Variants in SLC4A10 observed in about 807,000 individuals in gnomAD.
SLC4A10 encodes the protein sodium-driven chloride bicarbonate exchanger.
SLC4A10 carries 42 observed loss-of-function variants against 137.7 expected under a neutral mutation model. The ratio of observed to expected loss-of-function variants is 0.30; its 90% confidence interval spans 0.24 to 0.39. The LOEUF is 0.39. Among genes scored for constraint, SLC4A10 ranks in the 10% least tolerant of loss-of-function variants. The probability of loss-of-function intolerance (pLI) is 1.00; values close to 1 mark genes in which losing one functional copy is unlikely to be tolerated. For synonymous variants in SLC4A10, 474 were observed against 464.1 expected (o/e 1.02, Z -0.27); for missense variants, 925 against 1,355.0 (o/e 0.68, Z 4.98).
chr2:161,730,403 ACAAT>A (rs2046693848), intron 1 of SLC4A10, among the ~76,000 whole-genome samples: 1 of 152,168 alleles, frequency 6.6e-6, no homozygotes, highest in African/African-American at 2.4e-5. Flanking sequence ...CACTCATAAA[ACAAT>A]CTATTATCTG....
At position 161,958,529 on chromosome 2, in the gene SLC4A10, G is replaced by A. The variant is rs1300027189; in HGVS notation, c.2836G>A (p.Gly946Ser). ...GCTATATGGAGTGTTTCTTTATATG[G>A]GTGCTTCATCTCTAAAGGGAATTCA... is the stretch of plus-strand genomic sequence containing the variant. ...PVLYGVFLYM[G>S]ASSLKGIQFF... The change falls in exon 21 of 27, where the codon GGT (glycine) becomes AGT (serine). Residue 946 changes from glycine (G) to serine (S), a missense_variant. Coordinates refer to ENST00000446997, the MANE Select transcript of SLC4A10 (RefSeq NM_001178015.2). 1.2e-6 allele frequency: 2 copies of A among 1,610,512 alleles called. No homozygotes were observed. Among genetic ancestry groups the A allele is most frequent in the Non-Finnish European group, 1.7e-6 (2 of 1,178,334 alleles).
chr2:161,794,428 T>C (rs1575000387), intron 2 of SLC4A10, among the ~76,000 whole-genome samples: 1 of 152,114 alleles, frequency 6.6e-6, no homozygotes, highest in Admixed American at 6.6e-5. Context: ...GTAAAGGCAT[T>C]AGGGAGCTTT....
At chr2:161,804,295 A>G (rs371122041) in intron 2 of SLC4A10, among the ~76,000 whole-genome samples, 154 bp from the exon 3 acceptor site, 10 of 152,184 alleles carry the variant, frequency 6.6e-5, no homozygotes, top group African/African-American at 1.7e-4. Flanking sequence ...TAAAATGCCA[A>G]AAGACAGTGC....
In SLC4A10 at chr2:161,743,563, G is replaced by GT. The variant is rs201211907; in HGVS notation, c.49-27402dup. On this transcript the variant is annotated intron_variant, in intron 1 of 26. Coordinates refer to ENST00000446997, the MANE Select transcript of SLC4A10 (RefSeq NM_001178015.2). Reference sequence around the variant, plus strand: ...GAAGTCAGGTAATGTGATTCCTCCAGTTTTTTTTGTTTGTTTGTTTGTTTG... The same window carrying GT: ...GAAGTCAGGTAATGTGATTCCTCCAGTTTTTTTTTGTTTGTTTGTTTGTTTG... 2.5e-3 allele frequency among the ~76,000 whole-genome samples: 373 copies of GT among 151,284 alleles called. 3 individuals carry two copies. Among genetic ancestry groups the GT allele is most frequent in the Non-Finnish European group, 4.6e-3 (310 of 67,762 alleles).
chr2:161,709,597 C>T (rs1416320244), intron 1 of SLC4A10, among the ~76,000 whole-genome samples: 1 of 151,470 alleles, frequency 6.6e-6, no homozygotes, highest in Non-Finnish European at 1.5e-5. Context: ...CAGAGAGCTT[C>T]GTCCTTTGCT....
At chr2:161,751,956 A>T (rs62189043) in intron 1 of SLC4A10, among the ~76,000 whole-genome samples, 12,353 of 151,974 alleles carry the variant, frequency 0.081, 640 homozygotes, top group East Asian at 0.14. Context: ...TTGTTAATAA[A>T]TTGTATGAAT....
rs190494642 is a variant in SLC4A10 at position 161,738,904 on chromosome 2, C to G, written c.49-32069C>G. The stretch of plus-strand genomic sequence containing the variant: ...TTATGTAAGTGCAGAACTATTGGGC[C>G]ATCTTCACTCTCAGGCAATATATAG... On this transcript the variant is annotated intron_variant, in intron 1 of 26. Coordinates refer to ENST00000446997, the MANE Select transcript of SLC4A10 (RefSeq NM_001178015.2). 5.3e-5 allele frequency among the ~76,000 whole-genome samples: 8 copies of G among 152,304 alleles called. 1 individual carries two copies. Among genetic ancestry groups the G allele is most frequent in the Admixed American group, 5.2e-4 (8 of 15,302 alleles).
chr2:161,646,928 G>A (rs1206867580), intron 1 of SLC4A10, among the ~76,000 whole-genome samples: 3 of 151,904 alleles, frequency 2.0e-5, no homozygotes, highest in Non-Finnish European at 2.9e-5. Context: ...TCTTAGTTAC[G>A]AAGAGTTTTA....
chr2:161,636,092 G>A (rs1422021846), intron 1 of SLC4A10, among the ~76,000 whole-genome samples: 1 of 151,932 alleles, frequency 6.6e-6, no homozygotes, highest in Non-Finnish European at 1.5e-5. Context: ...ATCTTTCTAG[G>A]TGCTTCTAGA....
intron 1 of SLC4A10, among the ~76,000 whole-genome samples, chr2:161,720,896 T>C (rs1252969032): frequency 1.3e-5 from 2 of 151,838 alleles, no homozygotes; most frequent in Non-Finnish European, 2.9e-5. Context: ...AGTGGCATGA[T>C]CTTGGTCACT....
intron 10 of SLC4A10, among the ~76,000 whole-genome samples, chr2:161,889,773 G>T (rs1456037861): frequency 1.3e-5 from 2 of 151,850 alleles, no homozygotes; most frequent in South Asian, 2.1e-4. Flanking sequence ...TTTTGTGTGT[G>T]TGTCTCTGTC....
Position 161,857,715 on chromosome 2 carries a change from C to T in SLC4A10, c.577+2585C>T, listed in dbSNP as rs544641990. On this transcript the variant is annotated intron_variant, in intron 5 of 26. Transcript: ENST00000446997. ...GTTTGTAATAAATAAGCATGCTTTCCGTTTTTAAGACTTCTAACTTTGCAA... is the reference window on the plus strand; with the variant it reads ...GTTTGTAATAAATAAGCATGCTTTCTGTTTTTAAGACTTCTAACTTTGCAA... 2.2e-4 allele frequency among the ~76,000 whole-genome samples: 33 copies of T among 152,022 alleles called. 1 individual carries two copies. The highest frequency in any genetic ancestry group is 1.2e-3 in the Admixed American group (18 of 15,252).
intron 4 of SLC4A10, among the ~76,000 whole-genome samples, chr2:161,847,238 G>A (rs2059555391): frequency 6.6e-6 from 1 of 151,524 alleles, no homozygotes; most frequent in Admixed American, 6.6e-5. Flanking sequence ...GTGAGACTAT[G>A]TCTCAAAAAA....
chr2:161,655,074 T>G (rs1178131453), intron 1 of SLC4A10, among the ~76,000 whole-genome samples: 1 of 152,222 alleles, frequency 6.6e-6, no homozygotes, highest in Non-Finnish European at 1.5e-5. Flanking sequence ...TAAGTTTCAA[T>G]GTACAGGTCT....
chr2:161,685,667 G>A (rs1429279560), intron 1 of SLC4A10, among the ~76,000 whole-genome samples: 1 of 151,768 alleles, frequency 6.6e-6, no homozygotes, highest in African/African-American at 2.4e-5. Context: ...GAGGTTTAGT[G>A]AGATTGAACA....
At chr2:161,695,631 T>C (rs2042406787) in intron 1 of SLC4A10, among the ~76,000 whole-genome samples, 1 of 152,184 alleles carries the variant, frequency 6.6e-6, no homozygotes, top group African/African-American at 2.4e-5. Flanking sequence ...ACAAATTCTG[T>C]TGTTATAATG....
At chr2:161,739,120 G>T (rs1002457624) in intron 1 of SLC4A10, among the ~76,000 whole-genome samples, 1 of 152,022 alleles carries the variant, frequency 6.6e-6, no homozygotes, top group African/African-American at 2.4e-5. Context: ...GGTGGGTGGG[G>T]GGAACATGAT....
chr2:161,855,891 A>G (rs1012270611), intron 5 of SLC4A10, among the ~76,000 whole-genome samples: 6 of 152,164 alleles, frequency 3.9e-5, no homozygotes, highest in African/African-American at 1.2e-4. Context: ...TTGGGAAAAA[A>G]TAAAATTCAT....
chr2:161,938,353 C>T (rs1402534455), intron 15 of SLC4A10, among the ~76,000 whole-genome samples: 1 of 152,042 alleles, frequency 6.6e-6, no homozygotes, highest in Non-Finnish European at 1.5e-5. Context: ...GGACCAAGGC[C>T]TATTGCCTGG....
Sources: gnomAD v4.1 joint callset for allele counts (sites outside exome capture counted in the v4.1 genomes callset) on GRCh38, gnomAD v4.1.1 for gene constraint, MANE v1.5 for transcripts, NCBI Gene and HGNC (gene_info 2026-07-23, HGNC 2026-07-21) for gene names.